Variants in FRMPD2 observed in about 807,000 individuals in gnomAD.
The protein encoded by FRMPD2 is FERM and PDZ domain containing 2.
Under a neutral mutation model 140.1 loss-of-function variants are expected in FRMPD2, and 96 were observed. That is an observed-to-expected ratio of 0.69 (90% CI 0.58 to 0.81). The LOEUF is 0.81. Among genes scored for constraint, FRMPD2 ranks in the 40% least tolerant of loss-of-function variants. The pLI, the probability that FRMPD2 is intolerant of heterozygous loss-of-function variation, is 0.00. For synonymous variants in FRMPD2, 449 were observed against 547.6 expected (o/e 0.82, Z 2.52); for missense variants, 1,240 against 1,447.4 (o/e 0.86, Z 2.32).
Position 48,172,746 on chromosome 10 carries a change from A to G in FRMPD2, c.3223+200T>C, listed in dbSNP as rs543900936. 3.7e-3 allele frequency among the ~76,000 whole-genome samples: 561 copies of G among 152,292 alleles called. 1 individual carries two copies. Among genetic ancestry groups the G allele is most frequent in the Admixed American group, 5.9e-3 (90 of 15,300 alleles). ...AAAGATGCCTAGAAATAATTTGGGG[A>G]AAATGCATTTGTTTCCAGAAACCTA... On this transcript the variant is annotated intron_variant, in intron 25 of 28. Transcript: ENST00000374201.
intron 10 of FRMPD2, among the ~76,000 whole-genome samples, chr10:48,226,489 AT>A (rs1451088084): frequency 1.3e-5 from 2 of 152,252 alleles, no homozygotes; most frequent in Non-Finnish European, 2.9e-5. Context: ...AAAATATGCC[AT>A]TTGGGCCTAT....
In FRMPD2 at chr10:48,238,191, C is replaced by T. The variant is rs1010211288; in HGVS notation, c.789-68G>A. ...AGGGCTTCCATGGCATGAAAGACCA[C>T]CCGCACAGGGGCTCAGTTGGGCAGG... On this transcript the variant is annotated intron_variant, in intron 7 of 28. Transcript: ENST00000374201. 4 of 1,546,570 alleles carry T rather than the reference C, an allele frequency of 2.6e-6. No homozygotes were observed. In the African/African-American group the frequency reaches 5.5e-5, roughly 21 times the overall value.
At chr10:48,170,546 A>G (rs1417897097) in intron 26 of FRMPD2, among the ~76,000 whole-genome samples, 5 of 151,638 alleles carry the variant, frequency 3.3e-5, no homozygotes, top group Non-Finnish European at 1.5e-5. Context: ...TCTGTCTAAT[A>G]TATACAGTAT....
At chr10:48,225,133 G>T (rs963577972) in intron 10 of FRMPD2, among the ~76,000 whole-genome samples, 1 of 152,152 alleles carries the variant, frequency 6.6e-6, no homozygotes, top group Admixed American at 6.5e-5. Flanking sequence ...AGAGGATTTC[G>T]CCAGAAGGCC....
intron 5 of FRMPD2, 89 bp downstream of exon 5, chr10:48,242,071 AT>A (rs1345476544): frequency 1.1e-6 from 1 of 922,676 alleles, no homozygotes; most frequent in African/African-American, 1.7e-5. Context: ...TTTTTATTTT[AT>A]TTTAGTTAAT....
chr10:48,251,801 C>A (rs921986256), intron 1 of FRMPD2, 110 bp from the exon 2 acceptor site: 1 of 1,307,120 alleles, frequency 7.7e-7, no homozygotes, highest in Non-Finnish European at 1.1e-6. Context: ...CTACTGCACA[C>A]CGGCACTGTG....
chr10:48,225,474 T>C (rs1297082250), intron 10 of FRMPD2, among the ~76,000 whole-genome samples: 2 of 152,340 alleles, frequency 1.3e-5, no homozygotes, highest in Non-Finnish European at 2.9e-5. Flanking sequence ...GATGAACTGA[T>C]GTCAACTCCT....
chr10:48,256,437 T>A lies in FRMPD2; in HGVS notation c.26-4746A>T, dbSNP rs190569672. Among the ~76,000 whole-genome samples the A allele has an allele frequency of 3.9e-5, 6 of 152,360 alleles. No individual in the cohort carries two copies. The East Asian group carries it at 1.2e-3, about 29-fold the overall frequency. Reference sequence around the variant, plus strand: ...TGATTGACTGACTATATAGTGGCTTTTGAACTGTGAGATTTTGGTCACATT... The same window carrying A: ...TGATTGACTGACTATATAGTGGCTTATGAACTGTGAGATTTTGGTCACATT... On this transcript the variant is annotated intron_variant, in intron 1 of 28. Coordinates refer to ENST00000374201, the MANE Select transcript of FRMPD2 (RefSeq NM_001018071.4).
intron 1 of FRMPD2, among the ~76,000 whole-genome samples, chr10:48,258,420 C>A (rs773864070): frequency 1.3e-5 from 2 of 152,202 alleles, no homozygotes; most frequent in Non-Finnish European, 2.9e-5. Flanking sequence ...TACCCCACAG[C>A]CCCTGATTTA....
chr10:48,193,144 G>A (rs879192726), intron 15 of FRMPD2, among the ~76,000 whole-genome samples: 11 of 152,208 alleles, frequency 7.2e-5, no homozygotes, highest in African/African-American at 2.4e-4. Flanking sequence ...CTGACAGGAC[G>A]CAGAGCCAAA....
intron 1 of FRMPD2, among the ~76,000 whole-genome samples, chr10:48,257,879 G>T (rs1840517755): frequency 6.6e-6 from 1 of 152,166 alleles, no homozygotes; most frequent in African/African-American, 2.4e-5. Flanking sequence ...TCCAGAAAGG[G>T]ATTTTAAACA....
At chr10:48,170,235 AAG>A (rs1366779166) in intron 26 of FRMPD2, among the ~76,000 whole-genome samples, 7 of 149,888 alleles carry the variant, frequency 4.7e-5, no homozygotes, top group Non-Finnish European at 8.9e-5. Flanking sequence ...GGAACACGGC[AAG>A]AGACCAGAGA....
intron 3 of FRMPD2, 39 bp from the exon 4 acceptor site, chr10:48,244,888 C>G: frequency 2.9e-6 from 4 of 1,394,974 alleles, no homozygotes; most frequent in Non-Finnish European, 4.1e-6. Context: ...TTTCAATCAT[C>G]TCTGTTATTC....
chr10:48,261,275 C>A (rs1840584571), intron 1 of FRMPD2, among the ~76,000 whole-genome samples: 2 of 151,572 alleles, frequency 1.3e-5, no homozygotes, highest in Admixed American at 1.3e-4. Flanking sequence ...GACACCAAAC[C>A]ACAGATCTAG....
At chr10:48,214,201 C>T (rs939129316) in intron 12 of FRMPD2, among the ~76,000 whole-genome samples, 14 of 152,214 alleles carry the variant, frequency 9.2e-5, no homozygotes, top group African/African-American at 2.9e-4. Context: ...AAAATCCCAA[C>T]GTTCTCTCTG....
At chr10:48,192,930 C>T (rs748446053) in intron 15 of FRMPD2, 36 bp from the exon 16 acceptor site, 3 of 1,469,672 alleles carry the variant, frequency 2.0e-6, no homozygotes, top group Non-Finnish European at 2.8e-6. Context: ...CATACACACA[C>T]ACAAGAATGA....
At chr10:48,236,777 T>C (rs1839976501) in intron 8 of FRMPD2, among the ~76,000 whole-genome samples, 1 of 152,206 alleles carries the variant, frequency 6.6e-6, no homozygotes, top group Admixed American at 6.5e-5. Flanking sequence ...ACATTCTGGC[T>C]CTTAAGTTGG....
intron 23 of FRMPD2, chr10:48,175,172 G>T (rs11599496): frequency 0.35 from 161,919 of 467,324 alleles, 29,786 homozygotes; most frequent in Non-Finnish European, 0.39. Flanking sequence ...GGATATAAAA[G>T]CCTTTCTATT....
chr10:48,240,591 T>C (rs1325512255), intron 5 of FRMPD2, 99 bp from the exon 6 acceptor site: 7 of 1,514,022 alleles, frequency 4.6e-6, no homozygotes, highest in Non-Finnish European at 6.3e-6. Context: ...CAATGTGGAA[T>C]TGTCTGCCCT....
Sources: gnomAD v4.1 joint callset for allele counts (sites outside exome capture counted in the v4.1 genomes callset) on GRCh38, gnomAD v4.1.1 for gene constraint, MANE v1.5 for transcripts, NCBI Gene and HGNC (gene_info 2026-07-23, HGNC 2026-07-21) for gene names.